Variants in OLFM4 observed in about 807,000 individuals in gnomAD.
OLFM4 encodes the protein olfactomedin-4.
OLFM4 carries 22 observed loss-of-function variants against 25.5 expected under a neutral mutation model. The observed-to-expected ratio is 0.86, with a 90% CI of 0.62 to 1.23. The LOEUF (loss-of-function observed/expected upper bound fraction) is 1.23, where lower values mean the gene tolerates loss of function less well. Ranked by LOEUF, OLFM4 falls within the 50% of genes most tolerant of loss-of-function variation. The pLI, the probability that OLFM4 is intolerant of heterozygous loss-of-function variation, is 0.00. For missense variants in OLFM4, 594 were observed against 619.4 expected, an observed-to-expected ratio of 0.96 and a Z score of 0.44; for synonymous variants, 255 against 237.7, an observed-to-expected ratio of 1.07 and a Z score of -0.67.
chr13:53,042,982 A>G (rs1954695288), intron 3 of OLFM4, 123 bp from the exon 4 acceptor site: 1 of 719,816 alleles, frequency 1.4e-6, no homozygotes, highest in African/African-American at 1.8e-5. Flanking sequence ...AAATGAAACC[A>G]TTCAGAAGAA....
chr13:53,039,459 A>T (rs1352381244), intron 2 of OLFM4, among the ~76,000 whole-genome samples: 3 of 152,210 alleles, frequency 2.0e-5, no homozygotes, highest in Non-Finnish European at 4.4e-5. Flanking sequence ...AGATTGAAAA[A>T]TTTCACGGAA....
In OLFM4 at chr13:53,043,272, T is replaced by A. The variant is rs777731504; in HGVS notation, c.730+8T>A. 6.3e-7 allele frequency: 1 copy of A among 1,587,216 alleles called. No homozygotes were observed. Among genetic ancestry groups the A allele is most frequent in the Non-Finnish European group, 8.6e-7 (1 of 1,168,902 alleles). ...ACCCTCCTCCCACTCCAGGTAAGCA[T>A]GCCAGTTTTTTTAACCACTTGTGCC... On this transcript the variant is annotated splice_region_variant and intron_variant, in intron 4 of 4. Transcript: ENST00000219022.
chr13:53,040,301 T>A (rs1954680502), intron 2 of OLFM4, among the ~76,000 whole-genome samples: 1 of 152,170 alleles, frequency 6.6e-6, no homozygotes, highest in Admixed American at 6.5e-5. Context: ...ATGCAACAAA[T>A]CTGTAATTTA....
chr13:53,048,895 G>GA (rs1214300198), intron 4 of OLFM4, among the ~76,000 whole-genome samples: 111 of 152,176 alleles, frequency 7.3e-4, no homozygotes, highest in African/African-American at 2.5e-3. Context: ...TAAGATCCCA[G>GA]AAAATGTGTG....
chr13:53,040,440 A>G (rs1004076977), intron 2 of OLFM4, among the ~76,000 whole-genome samples: 6 of 152,250 alleles, frequency 3.9e-5, no homozygotes, highest in Non-Finnish European at 8.8e-5. Flanking sequence ...TGTAAAAGGC[A>G]GAGGGGATCA....
At position 53,042,161 on chromosome 13, in the gene OLFM4, A is replaced by C. The variant is rs772110666; in HGVS notation, c.570+39A>C. On this transcript the variant is annotated intron_variant, in intron 3 of 4. Coordinates refer to ENST00000219022, the MANE Select transcript of OLFM4 (RefSeq NM_006418.5). ...TCACTTCTTGGTAAATTAATAATAA[A>C]CTCCCTTCAGTGACTGTAAGCAAGT... 3 of 1,564,942 alleles carry C rather than the reference A, an allele frequency of 1.9e-6. No homozygotes were observed. The Admixed American group carries it at 5.1e-5, about 27-fold the overall frequency.
intron 1 of OLFM4, among the ~76,000 whole-genome samples, chr13:53,032,910 G>A (rs1954636740): frequency 6.6e-6 from 1 of 152,158 alleles, no homozygotes; most frequent in Non-Finnish European, 1.5e-5. Flanking sequence ...ACCACCTGCA[G>A]CTGGCTGACC....
chr13:53,052,036 A>G lies in OLFM4; in HGVS notation c.*1265A>G, dbSNP rs1954751840. On this transcript the variant is annotated 3_prime_UTR_variant, in exon 5 of 5. Coordinates refer to ENST00000219022, the MANE Select transcript of OLFM4 (RefSeq NM_006418.5). ...TTTACTCCCCCTTTTAAAATAAATG[A>G]TTAAAATGTGCTTTGAAAAAAGTCA... 1 of 152,180 alleles carries G rather than the reference A, an allele frequency of 6.6e-6. No individual in the cohort carries two copies. The highest frequency in any genetic ancestry group is 2.4e-5 in the African/African-American group (1 of 41,446). The allele number at this position is 152,180 out of a possible 1,614,324, so 9.4% of individuals were successfully genotyped here. A position where few individuals can be genotyped will look rare whatever the true frequency, so the allele number is the denominator to read the frequency against.
Position 53,044,926 on chromosome 13 carries a change from C to G in OLFM4, c.730+1662C>G, listed in dbSNP as rs962878525. Among the ~76,000 whole-genome samples, 7 of 152,264 alleles carry G rather than the reference C, an allele frequency of 4.6e-5. No homozygotes were observed. The East Asian group carries it at 1.4e-3, about 29-fold the overall frequency. On this transcript the variant is annotated intron_variant, in intron 4 of 4. Coordinates refer to ENST00000219022, the MANE Select transcript of OLFM4 (RefSeq NM_006418.5). ...CCTCATGGAATAGATTTTTCTGGCA[C>G]AATTTTCTATGCATCCCTTAGAATG...
Position 53,043,201 on chromosome 13 carries a change from C to T in OLFM4, c.667C>T (p.Leu223=), listed in dbSNP as rs1407340475. The T allele has an allele frequency of 6.2e-7, 1 of 1,613,496 alleles. No individual in the cohort carries two copies. Among genetic ancestry groups the T allele is most frequent in the South Asian group, 1.1e-5 (1 of 91,030 alleles). The change falls in exon 4 of 5, where the codon CTG becomes TTG. Residue 223 remains leucine, a synonymous_variant. Transcript: ENST00000219022. ...RREIVALKTK[L]KECEASKDQN... ...AGAAATCGTGGCTCTGAAGACCAAG[C>T]TGAAAGAGTGTGAGGCCTCTAAAGA...
At position 53,051,816 on chromosome 13, in the gene OLFM4, G is replaced by A. The variant is rs1954750705; in HGVS notation, c.*1045G>A. The A allele has an allele frequency of 6.6e-6, 1 of 152,098 alleles. No homozygotes were observed. The allele number at this position is 152,098 out of a possible 1,614,324, so 9.4% of individuals were successfully genotyped here. A position where few individuals can be genotyped will look rare whatever the true frequency, so the allele number is the denominator to read the frequency against. Reference sequence around the variant, plus strand: ...TTAAGCCTGGAACTTGTAAGAAAATGAAAATTTAATTTTTTTTTCTAGGAC... The same window carrying A: ...TTAAGCCTGGAACTTGTAAGAAAATAAAAATTTAATTTTTTTTTCTAGGAC... On this transcript the variant is annotated 3_prime_UTR_variant, in exon 5 of 5. Coordinates refer to ENST00000219022, the MANE Select transcript of OLFM4 (RefSeq NM_006418.5).
chr13:53,041,178 A>G (rs35137422), intron 2 of OLFM4, among the ~76,000 whole-genome samples: 5,675 of 152,250 alleles, frequency 0.037, 202 homozygotes, highest in East Asian at 0.19. Context: ...GCGTGTGTGT[A>G]CATTGCAGTA....
chr13:53,044,701 A>G (rs950438128), intron 4 of OLFM4, among the ~76,000 whole-genome samples: 2 of 152,176 alleles, frequency 1.3e-5, no homozygotes, highest in African/African-American at 4.8e-5. Flanking sequence ...CGCATCCTGC[A>G]TAGGAGGTTT....
chr13:53,040,147 CA>C (rs1206487691), intron 2 of OLFM4, among the ~76,000 whole-genome samples: 1 of 152,166 alleles, frequency 6.6e-6, no homozygotes, highest in Non-Finnish European at 1.5e-5. Context: ...TTAAAAAAGC[CA>C]TGGCATTTTC....
At chr13:53,037,065 C>T (rs1954662615) in intron 2 of OLFM4, among the ~76,000 whole-genome samples, 1 of 152,234 alleles carries the variant, frequency 6.6e-6, no homozygotes, top group Non-Finnish European at 1.5e-5. Context: ...ACAGCTGTCC[C>T]TAGGTTGCCT....
chr13:53,045,842 G>A (rs373779097), intron 4 of OLFM4, among the ~76,000 whole-genome samples: 37 of 152,136 alleles, frequency 2.4e-4, no homozygotes, highest in African/African-American at 8.4e-4. Context: ...AAAATAATTG[G>A]CCTTCTACTC....
At chr13:53,041,170 G>A (rs539084725) in intron 2 of OLFM4, among the ~76,000 whole-genome samples, 18 of 152,226 alleles carry the variant, frequency 1.2e-4, no homozygotes, top group Admixed American at 5.9e-4. Flanking sequence ...ATACATGGGC[G>A]TGTGTGTACA....
intron 2 of OLFM4, among the ~76,000 whole-genome samples, chr13:53,038,653 CAGA>C (rs1486235132): frequency 1.3e-5 from 2 of 152,102 alleles, no homozygotes; most frequent in African/African-American, 4.8e-5. Flanking sequence ...CTGTATTTTC[CAGA>C]AGAAGAAAAA....
chr13:53,036,560 G>A (rs1424791720), intron 2 of OLFM4, among the ~76,000 whole-genome samples: 2 of 152,102 alleles, frequency 1.3e-5, no homozygotes, highest in Non-Finnish European at 2.9e-5. Context: ...GACAGATAGG[G>A]AAGAAGTGCA....
Sources: allele counts gnomAD v4.1 joint callset (sites outside exome capture counted in the v4.1 genomes callset), GRCh38; gene constraint gnomAD v4.1.1; transcripts MANE v1.5; gene names NCBI Gene and HGNC (gene_info 2026-07-23, HGNC 2026-07-21).